FOXP2: variants seen among roughly 807,000 people sequenced by gnomAD.
FOXP2 encodes forkhead box P2.
A neutral mutation model predicts 115.8 loss-of-function variants in FOXP2; 12 were observed. The ratio of observed to expected loss-of-function variants is 0.10; its 90% CI spans 0.07 to 0.17. The LOEUF is 0.17. Ranked by LOEUF, FOXP2 falls within the 10% of genes least tolerant of loss-of-function variation. FOXP2 has a pLI of 1.00. For synonymous variants in FOXP2, 328 were observed against 297.7 expected, an observed-to-expected ratio of 1.10 and a Z score of -1.05; for missense variants, 629 against 843.5, an observed-to-expected ratio of 0.75 and a Z score of 3.15.
At chr7:114,192,361 G>A (rs537245383) in intron 1 of FOXP2, among the ~76,000 whole-genome samples, 1 of 152,132 alleles carries the variant, frequency 6.6e-6, no homozygotes, top group East Asian at 1.9e-4. Flanking sequence ...GATGCTTCAC[G>A]GTTTGTTTAT....
intron 2 of FOXP2, among the ~76,000 whole-genome samples, chr7:114,458,802 G>A (rs1795435569): frequency 6.6e-6 from 1 of 151,834 alleles, no homozygotes; most frequent in South Asian, 2.1e-4. Flanking sequence ...TCTTCCAAAG[G>A]TTCAAATACA....
rs183600288 is a variant in FOXP2 at position 114,288,578 on chromosome 7, A to G, written c.-11+469A>G. ...ACCAGTAATGAATTTTTTTCTAGAA[A>G]ATTTGATTTTTCTAATACAATTTTT... On this transcript the variant is annotated intron_variant, in intron 2 of 17. Transcript: ENST00000634411. 1.9e-4 allele frequency among the ~76,000 whole-genome samples: 29 copies of G among 151,764 alleles called. No individual in the cohort carries two copies. In the East Asian group the frequency reaches 5.2e-3, roughly 27 times the overall value.
chr7:114,514,915 T>C (rs1469775053), intron 2 of FOXP2, among the ~76,000 whole-genome samples: 5 of 149,694 alleles, frequency 3.3e-5, no homozygotes, highest in African/African-American at 4.9e-5. Context: ...CCCCTTCCTG[T>C]GTCCATGTGT....
At chr7:114,487,992 T>A (rs1172081840) in intron 2 of FOXP2, among the ~76,000 whole-genome samples, 1 of 152,182 alleles carries the variant, frequency 6.6e-6, no homozygotes, top group Admixed American at 6.5e-5. Flanking sequence ...TGGTACTAAT[T>A]TACTGTATTA....
At chr7:114,487,031 C>G (rs1358512209) in intron 2 of FOXP2, among the ~76,000 whole-genome samples, 1 of 152,190 alleles carries the variant, frequency 6.6e-6, no homozygotes, top group Non-Finnish European at 1.5e-5. Context: ...GACAGTGTGC[C>G]AGTGGGGACT....
In FOXP2 at chr7:114,397,153, G is replaced by T. The variant is rs528252701; in HGVS notation, c.-10-29349G>T. On this transcript the variant is annotated intron_variant, in intron 2 of 17. Coordinates refer to the FOXP2 transcript ENST00000634411. ...ACAAAATAATTCGGAATAGTGAAGA[G>T]ATTTCGGGTGGAGATTTATGTAAAA... Among the ~76,000 whole-genome samples, 5 of 152,190 alleles carry T rather than the reference G, an allele frequency of 3.3e-5. No individual in the cohort carries two copies. In the South Asian group the frequency reaches 1.0e-3, roughly 32 times the overall value.
chr7:114,552,603 T>C (rs184775721), intron 3 of FOXP2, among the ~76,000 whole-genome samples: 1 of 152,348 alleles, frequency 6.6e-6, no homozygotes, highest in Non-Finnish European at 1.5e-5. Flanking sequence ...TGGAAGTTTA[T>C]TACTCATTTA....
intron 2 of FOXP2, among the ~76,000 whole-genome samples, chr7:114,519,050 G>T (rs1032270687): frequency 3.3e-5 from 5 of 152,176 alleles, no homozygotes; most frequent in Middle Eastern, 3.4e-3. Context: ...GAATGTTACT[G>T]CCCTGTAGAT....
intron 3 of FOXP2, among the ~76,000 whole-genome samples, chr7:114,552,328 T>C (rs1297649164): frequency 6.6e-6 from 1 of 152,196 alleles, no homozygotes; most frequent in Non-Finnish European, 1.5e-5. Context: ...GACTCCACCA[T>C]TTACTGACTG....
At chr7:114,616,433 G>A (rs774147879) in intron 3 of FOXP2, among the ~76,000 whole-genome samples, 1 of 152,170 alleles carries the variant, frequency 6.6e-6, no homozygotes, top group Non-Finnish European at 1.5e-5. Context: ...AAAGTGCTGG[G>A]ATTACAGATG....
chr7:114,405,589 G>C (rs889769979), intron 2 of FOXP2, among the ~76,000 whole-genome samples: 1 of 151,894 alleles, frequency 6.6e-6, no homozygotes, highest in Non-Finnish European at 1.5e-5. Flanking sequence ...AGAGGGAATT[G>C]TGTAACGTTA....
At chr7:114,301,291 A>T (rs1796874017) in intron 2 of FOXP2, among the ~76,000 whole-genome samples, 1 of 152,138 alleles carries the variant, frequency 6.6e-6, no homozygotes, top group Non-Finnish European at 1.5e-5. Context: ...AAGAATATAA[A>T]AATACCTTTA....
intron 2 of FOXP2, among the ~76,000 whole-genome samples, chr7:114,451,003 A>AAG (rs1223339395): frequency 1.3e-5 from 2 of 152,126 alleles, no homozygotes; most frequent in African/African-American, 4.8e-5. Context: ...TACTCTTAAA[A>AAG]CAATGTTATT....
chr7:114,395,849 G>A (rs1038094091), intron 2 of FOXP2, among the ~76,000 whole-genome samples: 1 of 151,592 alleles, frequency 6.6e-6, no homozygotes. Flanking sequence ...TGTGGGGGCA[G>A]GGGGGGTCAC....
chr7:114,351,549 G>T (rs1370762676), intron 2 of FOXP2, among the ~76,000 whole-genome samples: 1 of 151,930 alleles, frequency 6.6e-6, no homozygotes, highest in African/African-American at 2.4e-5. Context: ...TTTACAATAA[G>T]TATACTTTAA....
intron 2 of FOXP2, among the ~76,000 whole-genome samples, chr7:114,434,248 A>G (rs1345045218): frequency 1.3e-5 from 2 of 151,978 alleles, no homozygotes; most frequent in African/African-American, 4.8e-5. Context: ...TCAAAATACT[A>G]AAAGAAAATG....
At chr7:114,522,049 G>A (rs563327779) in intron 2 of FOXP2, among the ~76,000 whole-genome samples, 1 of 152,114 alleles carries the variant, frequency 6.6e-6, no homozygotes, top group Non-Finnish European at 1.5e-5. Flanking sequence ...CATTCTTGGG[G>A]TTATAAAAGA....
At chr7:114,580,760 T>C (rs1262721633) in intron 3 of FOXP2, among the ~76,000 whole-genome samples, 1 of 152,094 alleles carries the variant, frequency 6.6e-6, no homozygotes, top group Non-Finnish European at 1.5e-5. Context: ...AACACAAAAA[T>C]AGCAAGTTTG....
intron 2 of FOXP2, among the ~76,000 whole-genome samples, chr7:114,377,482 G>A (rs1297656340): frequency 2.0e-5 from 3 of 152,188 alleles, no homozygotes; most frequent in Non-Finnish European, 2.9e-5. Context: ...TGGGGGCATA[G>A]GACCATGTTC....
Sources: gnomAD v4.1 joint callset for allele counts (sites outside exome capture counted in the v4.1 genomes callset) on GRCh38, gnomAD v4.1.1 for gene constraint, MANE v1.5 for transcripts, NCBI Gene and HGNC (gene_info 2026-07-23, HGNC 2026-07-21) for gene names.